Variants in CLEC4C observed in about 807,000 individuals in gnomAD.
CLEC4C encodes the protein C-type (calcium dependent, carbohydrate-recognition domain) lectin, superfamily member 11.
CLEC4C carries 17 observed loss-of-function variants against 27.7 expected under a neutral mutation model. That is an observed-to-expected ratio of 0.61 (90% CI 0.42 to 0.92). The LOEUF (loss-of-function observed/expected upper bound fraction) is 0.92, where lower values mean the gene tolerates loss of function less well. Ranked by LOEUF, CLEC4C falls within the 40% of genes least tolerant of loss-of-function variation. CLEC4C has a pLI of 0.00. For synonymous variants in CLEC4C, 80 were observed against 80.8 expected, an observed-to-expected ratio of 0.99 and a Z score of 0.06; for missense variants, 244 against 257.3, an observed-to-expected ratio of 0.95 and a Z score of 0.35.
chr12:7,734,439 G>A (rs962597412), intron 4 of CLEC4C, among the ~76,000 whole-genome samples: 1 of 152,128 alleles, frequency 6.6e-6, no homozygotes, highest in Non-Finnish European at 1.5e-5. Flanking sequence ...TTTGGATATT[G>A]TAGAAATTTC....
chr12:7,737,162 C>T (rs1289099430), intron 4 of CLEC4C, among the ~76,000 whole-genome samples: 1 of 151,934 alleles, frequency 6.6e-6, no homozygotes, highest in African/African-American at 2.4e-5. Flanking sequence ...CCCCGGGAGG[C>T]GGAGGCTGCA....
chr12:7,740,093 C>G (rs1203348864), intron 3 of CLEC4C, among the ~76,000 whole-genome samples: 1 of 151,934 alleles, frequency 6.6e-6, no homozygotes, highest in East Asian at 2.0e-4. Flanking sequence ...GTCGGCCTCC[C>G]AAAGTGCTGG....
intron 4 of CLEC4C, among the ~76,000 whole-genome samples, chr12:7,736,438 A>C (rs1864727278): frequency 6.6e-6 from 1 of 152,192 alleles, no homozygotes; most frequent in Non-Finnish European, 1.5e-5. Flanking sequence ...ATGAAGGACT[A>C]ATGTTTAATT....
chr12:7,730,881 G>A lies in CLEC4C; in HGVS notation c.413C>T (p.Ser138Phe), dbSNP rs1592087500. ...ATCTGACAGCCCCAGAAAATAAGAA[G>A]AATTTCTTTTCAGATTCTGAATGAT... Reference protein sequence around the residue: ...DFIIQNLKRNSSYFLGLSDPG... With the variant: ...DFIIQNLKRNFSYFLGLSDPG... Residue 138 changes from serine (S) to phenylalanine (F), a missense_variant, in exon 5 of 6, where the codon TCT becomes TTT. Ser to Phe is a radical substitution (Grantham distance 155, BLOSUM62 -2). Coordinates refer to ENST00000360345, the MANE Select transcript of CLEC4C (RefSeq NM_001371390.1). 6.2e-7 allele frequency: 1 copy of A among 1,605,116 alleles called. No homozygotes were observed. Among genetic ancestry groups the A allele is most frequent in the Non-Finnish European group, 8.5e-7 (1 of 1,172,316 alleles).
rs148916587 is a variant in CLEC4C at position 7,738,919 on chromosome 12, C to T, written c.236-1345G>A. ...CTTTGGTGTGCTGCACCCATTAACT[C>T]GTCATTTATGTTAGGTATATCTCCT... On this transcript the variant is annotated intron_variant, in intron 3 of 5. Coordinates refer to ENST00000360345, the MANE Select transcript of CLEC4C (RefSeq NM_001371390.1). Among the ~76,000 whole-genome samples the T allele has an allele frequency of 8.8e-3, 1,331 of 151,916 alleles. 93 individuals carry two copies. In the East Asian group the frequency reaches 0.16, roughly 19 times the overall value.
intron 2 of CLEC4C, among the ~76,000 whole-genome samples, chr12:7,743,000 GTTTAT>G (rs1460237529): frequency 6.6e-6 from 1 of 151,844 alleles, no homozygotes; most frequent in Admixed American, 6.6e-5. Flanking sequence ...TATCTTGTTT[GTTTAT>G]AAGTTTACAT....
At chr12:7,741,351 GAT>G in intron 3 of CLEC4C, 68 bp downstream of exon 3, 1 of 861,478 alleles carries the variant, frequency 1.2e-6, no homozygotes, top group Non-Finnish European at 2.0e-6. Context: ...TAGTGCTGAA[GAT>G]ATAAACCATC....
At chr12:7,730,771 T>C (rs752435929) in intron 5 of CLEC4C, 26 bp downstream of exon 5, 6 of 1,172,950 alleles carry the variant, frequency 5.1e-6, no homozygotes, top group Admixed American at 3.4e-5. Context: ...CAGGACCCAG[T>C]GTCCTTTACC....
At position 7,735,506 on chromosome 12, in the gene CLEC4C, GAA is replaced by G. The variant is rs74982387; in HGVS notation, c.381+1921_381+1922del. Among the ~76,000 whole-genome samples the G allele has an allele frequency of 7.5e-5, 6 of 80,458 alleles. No homozygotes were observed. In the South Asian group the frequency reaches 1.8e-3, roughly 24 times the overall value. 52.8% of individuals were successfully genotyped at this position (80,458 alleles called of 152,430 possible). A position where few individuals can be genotyped will look rare whatever the true frequency, so the allele number is the denominator to read the frequency against. ...CGATAGAACAAGACTCTGTCTCAAA[GAA>G]AAAAAAAAAAAAAAACGGCCAGGCA... On this transcript the variant is annotated intron_variant, in intron 4 of 5. Transcript: ENST00000360345.
Position 7,746,401 on chromosome 12 carries a change from C to G in CLEC4C, c.54G>C (p.Gln18His). Reference protein sequence around the residue: ...QDREKGLWWFQLKVWSMAVVS... With the variant: ...QDREKGLWWFHLKVWSMAVVS... ...CGACTGCCATGGACCAGACCTTCAA[C>G]TGGAACCACCAGAGTCCTTTCTCTG... The change falls in exon 2 of 6, where the codon CAG becomes CAC. Residue 18 changes from glutamine to histidine, a missense_variant. Gln to His is a conservative substitution (Grantham distance 24). Transcript: ENST00000360345. 2 of 1,613,240 alleles carry G rather than the reference C, an allele frequency of 1.2e-6. No individual in the cohort carries two copies. The highest frequency in any genetic ancestry group is 1.6e-4 in the Middle Eastern group (1 of 6,062).
At chr12:7,741,889 C>T (rs1384726111) in intron 2 of CLEC4C, among the ~76,000 whole-genome samples, 4 of 151,996 alleles carry the variant, frequency 2.6e-5, no homozygotes, top group Admixed American at 6.6e-5. Context: ...GGTGTGGTGG[C>T]GGGCACCTAT....
intron 5 of CLEC4C, 49 bp downstream of exon 5, chr12:7,730,748 A>G: frequency 1.1e-6 from 1 of 941,592 alleles, no homozygotes; most frequent in Non-Finnish European, 1.7e-6. Flanking sequence ...AACACCCTAA[A>G]CCCCTACATG....
chr12:7,744,423 T>C (rs757185080), intron 2 of CLEC4C, among the ~76,000 whole-genome samples: 1 of 152,286 alleles, frequency 6.6e-6, no homozygotes, highest in Non-Finnish European at 1.5e-5. Context: ...TTCAGTAACT[T>C]CCTCACAGAT....
chr12:7,731,450 C>T (rs1864593601), intron 4 of CLEC4C, among the ~76,000 whole-genome samples: 1 of 152,194 alleles, frequency 6.6e-6, no homozygotes, highest in African/African-American at 2.4e-5. Context: ...TAAAATAATT[C>T]TCTAAAATAG....
At chr12:7,737,306 G>T (rs951903347) in intron 4 of CLEC4C, 123 bp downstream of exon 4, 15 of 848,658 alleles carry the variant, frequency 1.8e-5, no homozygotes, top group South Asian at 3.0e-5. Context: ...TGTTTTTTGG[G>T]TTTTTTTTTA....
chr12:7,730,755 C>T (rs750578928), intron 5 of CLEC4C, 42 bp downstream of exon 5: 12 of 1,010,826 alleles, frequency 1.2e-5, no homozygotes, highest in Non-Finnish European at 1.4e-5. Flanking sequence ...TAAACCCCTA[C>T]ATGATCAGGA....
chr12:7,729,843 G>T, intron 5 of CLEC4C, 103 bp from the exon 6 acceptor site: 1 of 1,048,182 alleles, frequency 9.5e-7, no homozygotes, highest in Non-Finnish European at 1.4e-6. Context: ...TCAAGGTCAC[G>T]TCTACCCAAA....
intron 4 of CLEC4C, among the ~76,000 whole-genome samples, chr12:7,735,506 G>GAAAAAA (rs74982387): frequency 1.2e-5 from 1 of 80,430 alleles, no homozygotes; most frequent in Non-Finnish European, 2.4e-5. Context: ...CTGTCTCAAA[G>GAAAAAA]AAAAAAAAAA....
intron 2 of CLEC4C, among the ~76,000 whole-genome samples, chr12:7,745,238 T>G (rs1864944786): frequency 6.6e-6 from 1 of 151,842 alleles, no homozygotes; most frequent in African/African-American, 2.4e-5. Context: ...TGAATGCTCT[T>G]ATAAGAAGAA....
Sources: allele counts gnomAD v4.1 joint callset (sites outside exome capture counted in the v4.1 genomes callset), GRCh38; gene constraint gnomAD v4.1.1; transcripts MANE v1.5; gene names NCBI Gene and HGNC (gene_info 2026-07-23, HGNC 2026-07-21).